The following ASB3 variants were observed in gnomAD, a reference collection of about 807,000 sequenced individuals.
ASB3 encodes ankyrin repeat and SOCS box containing 3, also known as ankyrin repeat and SOCS box protein 3.
Under a neutral mutation model 54.5 loss-of-function variants are expected in ASB3, and 41 were observed. That is an observed-to-expected ratio of 0.75 (90% CI 0.59 to 0.98). The LOEUF (loss-of-function observed/expected upper bound fraction) is 0.98, where lower values mean the gene tolerates loss of function less well. Ranked by LOEUF, ASB3 falls within the 50% of genes least tolerant of loss-of-function variation. The probability of loss-of-function intolerance (pLI) is 0.00; values close to 1 mark genes in which losing one functional copy is unlikely to be tolerated. For synonymous variants in ASB3, 266 were observed against 221.2 expected (o/e 1.20, Z -1.80); for missense variants, 733 against 620.0 (o/e 1.18, Z -1.94).
intron 9 of ASB3, 55 bp from the exon 10 acceptor site, chr2:53,670,745 C>T (rs1667768501): frequency 8.4e-6 from 13 of 1,539,988 alleles, no homozygotes; most frequent in Non-Finnish European, 1.1e-5. Flanking sequence ...GATGTAATAG[C>T]ACATAAAGGT....
At chr2:53,694,293 C>A (rs1669070592) in intron 8 of ASB3, 5 of 295,798 alleles carry the variant, frequency 1.7e-5, no homozygotes, top group African/African-American at 4.3e-5. Flanking sequence ...TGGGTGACAG[C>A]ACCAATGACA....
At chr2:53,760,300 T>C (rs1222818218) in intron 2 of ASB3, among the ~76,000 whole-genome samples, 2 of 152,206 alleles carry the variant, frequency 1.3e-5, no homozygotes, top group East Asian at 1.9e-4. Context: ...GGAATACCTA[T>C]CAAACATCAG....
intron 1 of ASB3, chr2:53,774,150 A>C (rs1316306503): frequency 1.2e-6 from 2 of 1,604,310 alleles, no homozygotes; most frequent in Admixed American, 3.4e-5. Context: ...AGGGATGTGT[A>C]TGGGGTGTTG....
chr2:53,691,510 G>A (rs1352353851), intron 9 of ASB3, among the ~76,000 whole-genome samples: 1 of 152,130 alleles, frequency 6.6e-6, no homozygotes, highest in Non-Finnish European at 1.5e-5. Flanking sequence ...ATTGGAGGAA[G>A]AGGGGTAAAA....
intron 7 of ASB3, among the ~76,000 whole-genome samples, chr2:53,705,756 C>A (rs1460671512): frequency 6.6e-6 from 1 of 152,016 alleles, no homozygotes; most frequent in Non-Finnish European, 1.5e-5. Context: ...TTGTTTTTTT[C>A]TTCCATCTTT....
intron 1 of ASB3, chr2:53,786,226 G>A (rs779464083): frequency 6.6e-6 from 1 of 152,166 alleles, no homozygotes; most frequent in Non-Finnish European, 1.5e-5. Context: ...AGTCAGACGT[G>A]ACTTAGTTCA....
At chr2:53,713,190 G>GTGAACTTAAACTT (rs1186757811) in intron 7 of ASB3, among the ~76,000 whole-genome samples, 13 of 152,266 alleles carry the variant, frequency 8.5e-5, no homozygotes, top group Non-Finnish European at 1.5e-5. Flanking sequence ...GCTTAAACTT[G>GTGAACTTAAACTT]AAACAAATTA....
chr2:53,759,862 C>T (rs765774537), intron 2 of ASB3, among the ~76,000 whole-genome samples: 1 of 152,064 alleles, frequency 6.6e-6, no homozygotes, highest in Non-Finnish European at 1.5e-5. Flanking sequence ...TGAGGGTGTC[C>T]GGGGCAAGCA....
chr2:53,696,846 C>A (rs1344778828), intron 8 of ASB3, among the ~76,000 whole-genome samples: 1 of 152,110 alleles, frequency 6.6e-6, no homozygotes, highest in African/African-American at 2.4e-5. Flanking sequence ...AGTGCATAGA[C>A]TAGACACAAA....
chr2:53,748,842 C>G (rs919179771), intron 3 of ASB3, among the ~76,000 whole-genome samples: 1 of 151,880 alleles, frequency 6.6e-6, no homozygotes, highest in Non-Finnish European at 1.5e-5. Flanking sequence ...AAGACATTCA[C>G]GAAAAAATTG....
chr2:53,763,851 T>A (rs1314034715), intron 2 of ASB3, among the ~76,000 whole-genome samples: 1 of 152,206 alleles, frequency 6.6e-6, no homozygotes, highest in Non-Finnish European at 1.5e-5. Flanking sequence ...TGAAAACATA[T>A]CTTAAGCGTT....
At chr2:53,751,226 G>C (rs1672493603) in intron 2 of ASB3, among the ~76,000 whole-genome samples, 1 of 152,108 alleles carries the variant, frequency 6.6e-6, no homozygotes, top group Admixed American at 6.5e-5. Flanking sequence ...AAATTGAAAG[G>C]TAACAAAAGC....
At chr2:53,700,841 T>G (rs1339037288) in intron 7 of ASB3, among the ~76,000 whole-genome samples, 2 of 152,198 alleles carry the variant, frequency 1.3e-5, no homozygotes, top group Admixed American at 1.3e-4. Context: ...TACAAATGAG[T>G]ATCTTTACTA....
At chr2:53,729,384 T>C in intron 4 of ASB3, 74 bp downstream of exon 4, 1 of 1,486,730 alleles carries the variant, frequency 6.7e-7, no homozygotes, top group Non-Finnish European at 9.3e-7. Context: ...AAGCAAAAAC[T>C]GCATAGGACT....
intron 5 of ASB3, among the ~76,000 whole-genome samples, chr2:53,724,557 C>T (rs534639397): frequency 3.3e-5 from 5 of 151,746 alleles, no homozygotes; most frequent in African/African-American, 7.3e-5. Context: ...AGAGATAGTG[C>T]CACTGTACGC....
chr2:53,768,149 T>C, intron 1 of ASB3: 1 of 1,107,104 alleles, frequency 9.0e-7, no homozygotes, highest in South Asian at 1.7e-5. Flanking sequence ...TGGCTTGGGG[T>C]AACATTTCTG....
chr2:53,694,095 T>C (rs1446659845), intron 8 of ASB3, 81 bp from the exon 9 acceptor site: 2 of 1,499,402 alleles, frequency 1.3e-6, no homozygotes, highest in Non-Finnish European at 1.8e-6. Context: ...CACATACCTA[T>C]TCTTACAAAA....
chr2:53,735,661 A>C (rs1671587170), intron 3 of ASB3, among the ~76,000 whole-genome samples: 2 of 152,112 alleles, frequency 1.3e-5, no homozygotes, highest in African/African-American at 4.8e-5. Flanking sequence ...AAACTGATTC[A>C]TACAGATGGG....
At chr2:53,697,211 G>A (rs1669232829) in intron 8 of ASB3, among the ~76,000 whole-genome samples, 1 of 152,178 alleles carries the variant, frequency 6.6e-6, no homozygotes, top group South Asian at 2.1e-4. Context: ...GTTTACCAAT[G>A]CCATGGAAAC....
Sources: allele counts gnomAD v4.1 joint callset (sites outside exome capture counted in the v4.1 genomes callset), GRCh38; gene constraint gnomAD v4.1.1; transcripts MANE v1.5; gene names NCBI Gene and HGNC (gene_info 2026-07-23, HGNC 2026-07-21).